The following ME1 variants were observed in gnomAD, a reference collection of about 807,000 sequenced individuals.
The protein encoded by ME1 is NADP-dependent malic enzyme.
Under a neutral mutation model 66.4 loss-of-function variants are expected in ME1, and 74 were observed. The ratio of observed to expected loss-of-function variants is 1.11; its 90% confidence interval spans 0.92 to 1.35. The LOEUF (loss-of-function observed/expected upper bound fraction) is 1.35. ME1 is among the 40% of genes most tolerant of loss of function. The pLI is 0.00. For synonymous variants in ME1, 251 were observed against 235.6 expected, an observed-to-expected ratio of 1.07 and a Z score of -0.60; for missense variants, 750 against 694.1, an observed-to-expected ratio of 1.08 and a Z score of -0.90.
intron 5 of ME1, among the ~76,000 whole-genome samples, chr6:83,340,720 C>G (rs1200475516): frequency 7.0e-6 from 1 of 143,862 alleles, no homozygotes; most frequent in Non-Finnish European, 1.5e-5. Flanking sequence ...CAAGGTTATG[C>G]TCTTTTTAAA....
intron 6 of ME1, 74 bp downstream of exon 6, chr6:83,315,236 T>A: frequency 1.1e-6 from 1 of 874,818 alleles, no homozygotes; most frequent in Non-Finnish European, 1.9e-6. Flanking sequence ...CCATATTGCA[T>A]AAATCTTGGA....
At chr6:83,393,993 C>T (rs1209942477) in intron 3 of ME1, among the ~76,000 whole-genome samples, 3 of 151,760 alleles carry the variant, frequency 2.0e-5, no homozygotes, top group Non-Finnish European at 2.9e-5. Flanking sequence ...TGTCTGTTGG[C>T]GTTTTTTGGT....
At chr6:83,398,326 A>G in intron 3 of ME1, 41 bp downstream of exon 3, 1 of 1,410,510 alleles carries the variant, frequency 7.1e-7, no homozygotes, top group Non-Finnish European at 9.6e-7. Flanking sequence ...TACAAAAATA[A>G]ATAAAGACAC....
intron 6 of ME1, among the ~76,000 whole-genome samples, chr6:83,313,341 T>C (rs762799292): frequency 3.9e-5 from 6 of 152,198 alleles, no homozygotes; most frequent in Admixed American, 2.6e-4. Flanking sequence ...TTGTTTACAC[T>C]TGTCAATCCC....
At chr6:83,274,152 T>C (rs917743913) in intron 6 of ME1, among the ~76,000 whole-genome samples, 2 of 152,238 alleles carry the variant, frequency 1.3e-5, no homozygotes, top group Non-Finnish European at 2.9e-5. Flanking sequence ...GCTTGCTACC[T>C]GATTTTTAAA....
At chr6:83,402,502 C>G (rs1475579360) in intron 2 of ME1, among the ~76,000 whole-genome samples, 2 of 152,188 alleles carry the variant, frequency 1.3e-5, no homozygotes, top group Non-Finnish European at 2.9e-5. Flanking sequence ...CACCTGACCA[C>G]TTTGAGCACC....
intron 7 of ME1, among the ~76,000 whole-genome samples, chr6:83,240,480 C>T (rs1025758974): frequency 1.3e-5 from 2 of 152,006 alleles, no homozygotes; most frequent in African/African-American, 2.4e-5. Context: ...ATTACTTTAC[C>T]ATATAAGCAT....
chr6:83,323,448 G>A (rs1437016476), intron 5 of ME1, among the ~76,000 whole-genome samples: 1 of 151,746 alleles, frequency 6.6e-6, no homozygotes. Flanking sequence ...AAAATAAAGG[G>A]ATGGAGGAAG....
At chr6:83,390,302 C>T (rs1769596514) in intron 3 of ME1, among the ~76,000 whole-genome samples, 1 of 152,170 alleles carries the variant, frequency 6.6e-6, no homozygotes, top group East Asian at 1.9e-4. Context: ...CAAAACCATA[C>T]ACAGTAAGTA....
At chr6:83,253,805 A>T in intron 6 of ME1, 67 bp from the exon 7 acceptor site, 1 of 791,368 alleles carries the variant, frequency 1.3e-6, no homozygotes, top group South Asian at 1.6e-5. Context: ...AACTTTTAAA[A>T]TTAGCCCATA....
chr6:83,299,157 A>G (rs2128536354), intron 6 of ME1, among the ~76,000 whole-genome samples: 1 of 151,532 alleles, frequency 6.6e-6, no homozygotes, highest in East Asian at 1.9e-4. Flanking sequence ...AGTTTAATGG[A>G]AATAGCATTG....
At chr6:83,409,317 GTTCA>G (rs1034538593) in intron 1 of ME1, among the ~76,000 whole-genome samples, 5 of 152,214 alleles carry the variant, frequency 3.3e-5, no homozygotes, top group African/African-American at 9.7e-5. Flanking sequence ...GTAAGAATGT[GTTCA>G]TTAACTTTGC....
intron 7 of ME1, among the ~76,000 whole-genome samples, chr6:83,243,961 C>T (rs185643672): frequency 7.4e-5 from 11 of 148,910 alleles, no homozygotes; most frequent in Admixed American, 6.9e-4. Flanking sequence ...GTCAACTTCC[C>T]CACACTCTGG....
intron 5 of ME1, among the ~76,000 whole-genome samples, chr6:83,316,314 T>A (rs1002151107): frequency 6.6e-6 from 1 of 152,188 alleles, no homozygotes; most frequent in Non-Finnish European, 1.5e-5. Context: ...ATATATAATA[T>A]GTAATATCAC....
At chr6:83,362,490 C>A (rs1002084372) in intron 3 of ME1, among the ~76,000 whole-genome samples, 10 of 152,294 alleles carry the variant, frequency 6.6e-5, no homozygotes, top group African/African-American at 1.9e-4. Context: ...AACAAAGTAC[C>A]CATGGTGGCA....
intron 1 of ME1, among the ~76,000 whole-genome samples, chr6:83,409,410 A>C (rs1770004792): frequency 6.6e-6 from 1 of 152,184 alleles, no homozygotes; most frequent in African/African-American, 2.4e-5. Flanking sequence ...AGTACTTATA[A>C]AGTGTATTAC....
At chr6:83,228,374 C>T (rs1790237972) in intron 10 of ME1, among the ~76,000 whole-genome samples, 1 of 152,160 alleles carries the variant, frequency 6.6e-6, no homozygotes, top group African/African-American at 2.4e-5. Context: ...AGGGGCTGTC[C>T]AGTGCACTAC....
chr6:83,269,432 C>A (rs1767048193), intron 6 of ME1, among the ~76,000 whole-genome samples: 1 of 152,048 alleles, frequency 6.6e-6, no homozygotes, highest in South Asian at 2.1e-4. Context: ...TCATAATACA[C>A]AAATCTTGAG....
intron 7 of ME1, among the ~76,000 whole-genome samples, chr6:83,248,049 G>A (rs1160074873): frequency 6.6e-6 from 1 of 152,100 alleles, no homozygotes; most frequent in East Asian, 1.9e-4. Flanking sequence ...TCTTGACCTA[G>A]GCTTGGCTCT....
Sources: gnomAD v4.1 joint callset for allele counts (sites outside exome capture counted in the v4.1 genomes callset) on GRCh38, gnomAD v4.1.1 for gene constraint, MANE v1.5 for transcripts, NCBI Gene and HGNC (gene_info 2026-07-23, HGNC 2026-07-21) for gene names.